PAN3: variants seen among roughly 807,000 people sequenced by gnomAD.
PAN3 encodes poly(A) specific ribonuclease subunit PAN3, also known as PAN2-PAN3 deadenylation complex subunit PAN3.
A neutral mutation model predicts 96.2 loss-of-function variants in PAN3; 19 were observed. The observed-to-expected ratio is 0.20, with a 90% confidence interval of 0.14 to 0.29. The LOEUF (loss-of-function observed/expected upper bound fraction) is 0.29, where lower values mean the gene tolerates loss of function less well. Ranked by LOEUF, PAN3 falls within the 10% of genes least tolerant of loss-of-function variation. PAN3 has a pLI of 1.00. For synonymous variants in PAN3, 433 were observed against 406.6 expected (o/e 1.06, Z -0.78); for missense variants, 882 against 1,108.1 (o/e 0.80, Z 2.90).
At chr13:28,247,449 T>C (rs1353598149) in intron 6 of PAN3, among the ~76,000 whole-genome samples, 5 of 152,198 alleles carry the variant, frequency 3.3e-5, no homozygotes, top group African/African-American at 1.2e-4. Context: ...TATAGTCCCA[T>C]TTGTCTATTT....
intron 6 of PAN3, chr13:28,239,748 C>A: frequency 9.2e-7 from 1 of 1,087,560 alleles, no homozygotes; most frequent in Non-Finnish European, 1.2e-6. Flanking sequence ...TTTAATTCCC[C>A]TAATCATAAG....
At position 28,220,397 on chromosome 13, in the gene PAN3, T is replaced by G. The variant is rs1400539822; in HGVS notation, c.1000+19T>G. 1 of 1,610,202 alleles carries G rather than the reference T, an allele frequency of 6.2e-7. No individual in the cohort carries two copies. ...GCGCCAGGTAAGTTGAGTAACTATT[T>G]CCAGTGAGTTCCAGATACCATGTCT... On this transcript the variant is annotated intron_variant, in intron 6 of 18. Coordinates refer to ENST00000380958, the MANE Select transcript of PAN3 (RefSeq NM_175854.8).
chr13:28,139,232 TG>T, intron 1 of PAN3, 145 bp downstream of exon 1: 1 of 965,104 alleles, frequency 1.0e-6, no homozygotes, highest in Non-Finnish European at 1.3e-6. Context: ...AGGCCGGGCC[TG>T]AGCCCTCCTT....
chr13:28,250,106 T>A (rs973992211), intron 6 of PAN3, among the ~76,000 whole-genome samples: 5 of 152,188 alleles, frequency 3.3e-5, no homozygotes, highest in Non-Finnish European at 5.9e-5. Context: ...TTAGATCATT[T>A]GTCTCTTTTC....
chr13:28,218,063 T>C (rs2138365799), intron 5 of PAN3, among the ~76,000 whole-genome samples: 1 of 152,152 alleles, frequency 6.6e-6, no homozygotes, highest in African/African-American at 2.4e-5. Context: ...ATTCTTAACA[T>C]GTTAAAAATA....
At chr13:28,231,124 T>C (rs1229739215) in intron 6 of PAN3, among the ~76,000 whole-genome samples, 1 of 152,204 alleles carries the variant, frequency 6.6e-6, no homozygotes, top group African/African-American at 2.4e-5. Context: ...GTGGGTAAGA[T>C]TCCTACTAGT....
At position 28,139,188 on chromosome 13, in the gene PAN3, C is replaced by T. The variant is rs564215141; in HGVS notation, c.430+101C>T. On this transcript the variant is annotated intron_variant, in intron 1 of 18. Coordinates refer to ENST00000380958, the MANE Select transcript of PAN3 (RefSeq NM_175854.8). ...GGAGCTGAGCACGGCCCGCGGGCTC[C>T]CCCCCTCACCTCCCAAGGCGGTCTG... 603 of 1,193,470 alleles carry T rather than the reference C, an allele frequency of 5.1e-4. 3 individuals carry two copies. In the African/African-American group the frequency reaches 8.7e-3, roughly 17 times the overall value. 73.9% of individuals were successfully genotyped at this position (1,193,470 alleles called of 1,614,324 possible).
At position 28,157,977 on chromosome 13, in the gene PAN3, G is replaced by A. The variant is rs575548552; in HGVS notation, c.431-16295G>A. On this transcript the variant is annotated intron_variant, in intron 1 of 18. Coordinates refer to ENST00000380958, the MANE Select transcript of PAN3 (RefSeq NM_175854.8). ...TCAAGGCTGTAGTAATCAAAACAGC[G>A]TGGTACAGGTACAAAAACAGTGACA... Among the ~76,000 whole-genome samples the A allele has an allele frequency of 9.2e-5, 14 of 152,246 alleles. No homozygotes were observed. In the East Asian group the frequency reaches 9.6e-4, roughly 10 times the overall value.
chr13:28,221,549 G>A (rs562443379), intron 6 of PAN3, among the ~76,000 whole-genome samples: 8 of 152,166 alleles, frequency 5.3e-5, no homozygotes, highest in South Asian at 4.1e-4. Context: ...ACACAGTGGC[G>A]CAGAGCATCT....
Position 28,138,606 on chromosome 13 carries a change from T to TGGCGGCGGC in PAN3, c.-48_-40dup, listed in dbSNP as rs139276478. On this transcript the variant is annotated 5_prime_UTR_variant, in exon 1 of 19. Transcript: ENST00000380958. ...TCCTTTCCTCCCCCGTCTATGGTGG[T>TGGCGGCGGC]GGCGGCGGCGGCTCCTCGGGCGGCG... The TGGCGGCGGC allele has an allele frequency of 2.5e-5, 12 of 471,314 alleles. No homozygotes were observed. Among genetic ancestry groups the TGGCGGCGGC allele is most frequent in the African/African-American group, 2.3e-4 (11 of 48,184 alleles). The allele number at this position is 471,314 out of a possible 1,614,324, so 29.2% of individuals were successfully genotyped here.
chr13:28,245,000 C>A (rs952197501), intron 6 of PAN3, among the ~76,000 whole-genome samples: 1 of 152,080 alleles, frequency 6.6e-6, no homozygotes, highest in Non-Finnish European at 1.5e-5. Context: ...AGGCATGCGT[C>A]ACCACGCCCG....
intron 5 of PAN3, among the ~76,000 whole-genome samples, chr13:28,213,362 C>A (rs1334512937): frequency 6.6e-6 from 1 of 151,950 alleles, no homozygotes; most frequent in African/African-American, 2.4e-5. Context: ...TACTGAAAAA[C>A]CACCGTAGTG....
rs1317171570 is a variant in PAN3 at position 28,220,277 on chromosome 13, C to T, written c.899C>T (p.Thr300Ile). 1.2e-6 allele frequency: 2 copies of T among 1,613,750 alleles called. No individual in the cohort carries two copies. Among genetic ancestry groups the T allele is most frequent in the Admixed American group, 3.3e-5 (2 of 60,000 alleles). The change falls in exon 6 of 19, where the codon ACC becomes ATC. Residue 300 changes from threonine (T) to isoleucine (I), a missense_variant. By Grantham distance (89) the Thr-to-Ile change is moderately conservative. This residue lies in a region of PAN3 where 442 missense variants were observed against 422.8 expected (regional missense o/e 1.05). Coordinates refer to ENST00000380958, the MANE Select transcript of PAN3 (RefSeq NM_175854.8). Reference protein sequence around the residue: ...ASEFIPKGGSTSRLSNVSQSN... With the variant: ...ASEFIPKGGSISRLSNVSQSN... ...GAGTTTATTCCTAAAGGAGGATCAA[C>T]CTCCAGGCTGAGTAACGTGTCCCAG...
At chr13:28,177,987 T>A in intron 4 of PAN3, 52 bp downstream of exon 4, 3 of 1,504,106 alleles carry the variant, frequency 2.0e-6, no homozygotes. Flanking sequence ...GAAGTGATGT[T>A]GGCATTGTTA....
At chr13:28,194,418 G>A (rs989254028) in intron 4 of PAN3, among the ~76,000 whole-genome samples, 18 of 145,396 alleles carry the variant, frequency 1.2e-4, no homozygotes, top group South Asian at 2.1e-4. Flanking sequence ...ATATATATAC[G>A]TGTGTGTGTG....
intron 6 of PAN3, among the ~76,000 whole-genome samples, chr13:28,223,248 G>T (rs1007862710): frequency 1.3e-5 from 2 of 152,162 alleles, no homozygotes; most frequent in Non-Finnish European, 2.9e-5. Flanking sequence ...TTTAAAAAGC[G>T]TTAAAATTTG....
At chr13:28,221,134 T>C (rs1201259969) in intron 6 of PAN3, among the ~76,000 whole-genome samples, 1 of 152,172 alleles carries the variant, frequency 6.6e-6, no homozygotes, top group Non-Finnish European at 1.5e-5. Context: ...ATGTTTATTT[T>C]AGTATAAAAA....
At chr13:28,149,058 T>TA (rs141850934) in intron 1 of PAN3, among the ~76,000 whole-genome samples, 5,707 of 150,816 alleles carry the variant, frequency 0.038, 329 homozygotes, top group African/African-American at 0.13. Context: ...GTTGATACAT[T>TA]AAAAAAAAAC....
At chr13:28,171,785 A>G (rs1322029138) in intron 1 of PAN3, among the ~76,000 whole-genome samples, 1 of 152,212 alleles carries the variant, frequency 6.6e-6, no homozygotes, top group Non-Finnish European at 1.5e-5. Flanking sequence ...AAGGGAAATT[A>G]TTAACTCAGC....
Sources: gnomAD v4.1 joint callset for allele counts (sites outside exome capture counted in the v4.1 genomes callset) on GRCh38, gnomAD v4.1.1 for gene constraint, gnomAD v4.1.1 regional missense constraint, MANE v1.5 for transcripts, NCBI Gene and HGNC (gene_info 2026-07-23, HGNC 2026-07-21) for gene names.